TRIM24: variants seen among roughly 807,000 people sequenced by gnomAD.
TRIM24 encodes the protein tripartite motif containing 24.
In TRIM24, 29 loss-of-function variants were observed where a neutral mutation model predicts 123.9. The observed-to-expected ratio is 0.23, with a 90% CI of 0.17 to 0.32. The LOEUF is 0.32. Ranked by LOEUF, TRIM24 falls within the 10% of genes least tolerant of loss-of-function variation. TRIM24 has a pLI of 1.00. For synonymous variants in TRIM24, 456 were observed against 461.1 expected, an observed-to-expected ratio of 0.99 and a Z score of 0.14; for missense variants, 932 against 1,295.3, an observed-to-expected ratio of 0.72 and a Z score of 4.31.
intron 1 of TRIM24, among the ~76,000 whole-genome samples, chr7:138,471,326 A>G (rs555030136): frequency 2.6e-5 from 4 of 152,148 alleles, no homozygotes; most frequent in Non-Finnish European, 5.9e-5. Flanking sequence ...TACATGTTCA[A>G]ATATTTGTGT....
At chr7:138,474,065 C>G (rs1795343671) in intron 1 of TRIM24, among the ~76,000 whole-genome samples, 2 of 152,108 alleles carry the variant, frequency 1.3e-5, no homozygotes. Flanking sequence ...GCCATGGCAC[C>G]CAGTTGAGCA....
chr7:138,585,759 T>C lies in TRIM24; in HGVS notation c.*808T>C, dbSNP rs781148807. Reference sequence around the variant, plus strand: ...TCTATGTGAGGTTTAATTGTACAGGTGATCCTTTTACAACAAGCCTCATTG... The same window carrying C: ...TCTATGTGAGGTTTAATTGTACAGGCGATCCTTTTACAACAAGCCTCATTG... On this transcript the variant is annotated 3_prime_UTR_variant, in exon 19 of 19. Transcript: ENST00000343526. The C allele has an allele frequency of 1.9e-6, 1 of 520,250 alleles. No homozygotes were observed. Among genetic ancestry groups the C allele is most frequent in the Non-Finnish European group, 3.8e-6 (1 of 261,292 alleles). The allele number at this position is 520,250 out of a possible 1,614,324, so 32.2% of individuals were successfully genotyped here.
In TRIM24 at chr7:138,538,635, G is replaced by A. The variant is rs976811840; in HGVS notation, c.997-22G>A. On this transcript the variant is annotated intron_variant, in intron 6 of 18. Coordinates refer to ENST00000343526, the MANE Select transcript of TRIM24 (RefSeq NM_015905.3). ...TATGTTACATGCTGATACTAATTTT[G>A]AAACTATTTTCTTGTTTTCAGAGCC... 6 of 1,612,832 alleles carry A rather than the reference G, an allele frequency of 3.7e-6. No individual in the cohort carries two copies. The African/African-American group carries it at 6.7e-5, about 18-fold the overall frequency.
chr7:138,539,021 A>G (rs543772496), intron 7 of TRIM24, among the ~76,000 whole-genome samples: 1 of 152,150 alleles, frequency 6.6e-6, no homozygotes, highest in Non-Finnish European at 1.5e-5. Flanking sequence ...CTTTCCAAGT[A>G]TTCACTGTCT....
At chr7:138,543,831 G>GTTT (rs371780238) in intron 7 of TRIM24, among the ~76,000 whole-genome samples, 11 of 151,620 alleles carry the variant, frequency 7.3e-5, no homozygotes, top group African/African-American at 2.4e-4. Context: ...TTGGTTTTCT[G>GTTT]TTTTTTTTGT....
chr7:138,525,171 G>A (rs1796582581), intron 4 of TRIM24, 70 bp from the exon 5 acceptor site: 6 of 678,212 alleles, frequency 8.8e-6, no homozygotes, highest in Non-Finnish European at 1.4e-5. Flanking sequence ...ATGTTTTTAT[G>A]TCTTTTTTTA....
chr7:138,480,313 T>C (rs1440128715), intron 1 of TRIM24, among the ~76,000 whole-genome samples: 1 of 152,220 alleles, frequency 6.6e-6, no homozygotes, highest in African/African-American at 2.4e-5. Flanking sequence ...TGGTGAATGC[T>C]GTAACCTAGC....
At chr7:138,569,165 CAG>C (rs998373704) in intron 10 of TRIM24, among the ~76,000 whole-genome samples, 1 of 152,164 alleles carries the variant, frequency 6.6e-6, no homozygotes, top group African/African-American at 2.4e-5. Flanking sequence ...GCGTATCTTG[CAG>C]AGTTATGTTG....
At chr7:138,511,047 ATCTGTATCAC>A (rs1353562079) in intron 2 of TRIM24, among the ~76,000 whole-genome samples, 2 of 152,088 alleles carry the variant, frequency 1.3e-5, no homozygotes, top group South Asian at 4.1e-4. Context: ...ACTCCATCCC[ATCTGTATCAC>A]TCTGTTTTTG....
intron 2 of TRIM24, among the ~76,000 whole-genome samples, chr7:138,506,460 T>C (rs1483458539): frequency 6.6e-6 from 1 of 152,134 alleles, no homozygotes; most frequent in Non-Finnish European, 1.5e-5. Context: ...GTAGTATCTG[T>C]GTATGCTCAA....
chr7:138,516,813 G>T lies in TRIM24; in HGVS notation c.631+1454G>T, dbSNP rs80255443. ...TATCAAAATGTAGCAAAACCGTTTTGTTTTTTTTTTTTTTTTGAGACTAGT... is the reference window on the plus strand; with the variant it reads ...TATCAAAATGTAGCAAAACCGTTTTTTTTTTTTTTTTTTTTTGAGACTAGT... On this transcript the variant is annotated intron_variant, in intron 3 of 18. Coordinates refer to ENST00000343526, the MANE Select transcript of TRIM24 (RefSeq NM_015905.3). Among the ~76,000 whole-genome samples, 1,205 of 132,224 alleles carry T rather than the reference G, an allele frequency of 9.1e-3. 13 individuals carry two copies. The highest frequency in any genetic ancestry group is 0.027 in the African/African-American group (934 of 34,646). The allele number at this position is 132,224 out of a possible 152,430, so 86.7% of individuals were successfully genotyped here.
At chr7:138,571,601 A>G (rs1325817402) in intron 11 of TRIM24, among the ~76,000 whole-genome samples, 2 of 152,238 alleles carry the variant, frequency 1.3e-5, no homozygotes, top group Non-Finnish European at 2.9e-5. Flanking sequence ...GATGAAGACA[A>G]GTTTAATAAT....
At position 138,580,629 on chromosome 7, in the gene TRIM24, C is replaced by G. The variant is rs202158003; in HGVS notation, c.2653C>G (p.Pro885Ala). ...AGAAGTTGAATATGATTGTGATGCTCCCAGTCACAACTCAGAAAAAAAGAA... is the reference window on the plus strand; with the variant it reads ...AGAAGTTGAATATGATTGTGATGCTGCCAGTCACAACTCAGAAAAAAAGAA... ...KPEVEYDCDA[P>A]SHNSEKKKTE... Residue 885 changes from proline to alanine, a missense_variant, in exon 16 of 19, where the codon CCC becomes GCC. Pro to Ala is a conservative substitution (Grantham distance 27, BLOSUM62 -1). Coordinates refer to ENST00000343526, the MANE Select transcript of TRIM24 (RefSeq NM_015905.3). 2 of 1,613,524 alleles carry G rather than the reference C, an allele frequency of 1.2e-6. No individual in the cohort carries two copies. The highest frequency in any genetic ancestry group is 1.7e-6 in the Non-Finnish European group (2 of 1,179,784).
chr7:138,558,765 C>A (rs1057296080), intron 9 of TRIM24, among the ~76,000 whole-genome samples: 2 of 152,198 alleles, frequency 1.3e-5, no homozygotes, highest in Non-Finnish European at 2.9e-5. Flanking sequence ...TATGGGCAGA[C>A]CTGGCTCTAA....
rs779710582 is a variant in TRIM24, at chr7:138,565,409, TC to T, written c.1531-2070del. On this transcript the variant is annotated intron_variant, in intron 9 of 18. Coordinates refer to ENST00000343526, the MANE Select transcript of TRIM24 (RefSeq NM_015905.3). ...TTACCACAATCCTGTAGTGCACTGT[TC>T]CTGGAATCATCCTGTTCCTGCTTAG... Among the ~76,000 whole-genome samples, 7 of 147,006 alleles carry T rather than the reference TC, an allele frequency of 4.8e-5. No individual in the cohort carries two copies. The East Asian group carries it at 6.8e-4, about 14-fold the overall frequency.
At chr7:138,569,294 TG>T (rs1275254823) in intron 10 of TRIM24, among the ~76,000 whole-genome samples, 5 of 152,346 alleles carry the variant, frequency 3.3e-5, no homozygotes, top group Non-Finnish European at 7.3e-5. Context: ...TTTTTTAAAA[TG>T]GTTGTTGACC....
chr7:138,570,738 C>T (rs1797636753), intron 10 of TRIM24, 92 bp from the exon 11 acceptor site: 1 of 1,234,320 alleles, frequency 8.1e-7, no homozygotes, highest in Non-Finnish European at 1.1e-6. Flanking sequence ...TACAGTTGAA[C>T]TCTTCTACTT....
intron 8 of TRIM24, 54 bp downstream of exon 8, chr7:138,551,234 A>G (rs1797205229): frequency 7.0e-7 from 1 of 1,424,232 alleles, no homozygotes; most frequent in Non-Finnish European, 9.9e-7. Flanking sequence ...GTAAAACTCA[A>G]TGATTATGAC....
At chr7:138,536,991 C>T (rs899217312) in intron 6 of TRIM24, among the ~76,000 whole-genome samples, 17 of 152,070 alleles carry the variant, frequency 1.1e-4, no homozygotes, top group Non-Finnish European at 1.8e-4. Context: ...AGCGAGGCTC[C>T]GTGGGTATGG....
Sources: gnomAD v4.1 joint callset for allele counts (sites outside exome capture counted in the v4.1 genomes callset) on GRCh38, gnomAD v4.1.1 for gene constraint, MANE v1.5 for transcripts, NCBI Gene and HGNC (gene_info 2026-07-23, HGNC 2026-07-21) for gene names.